Variants in GRM8 observed in about 807,000 individuals in gnomAD.
GRM8 encodes metabotropic glutamate receptor 8.
In GRM8, 47 loss-of-function variants were observed where a neutral mutation model predicts 87.2. The observed-to-expected ratio is 0.54, with a 90% confidence interval of 0.43 to 0.69. The LOEUF (loss-of-function observed/expected upper bound fraction) is 0.69, where lower values mean the gene tolerates loss of function less well. Among genes scored for constraint, GRM8 ranks in the 30% least tolerant of loss-of-function variants. The pLI is 0.00. For missense variants in GRM8, 1,019 were observed against 1,139.2 expected (o/e 0.89, Z 1.52); for synonymous variants, 396 against 404.5 (o/e 0.98, Z 0.25).
intron 7 of GRM8, among the ~76,000 whole-genome samples, chr7:126,713,418 G>A (rs1372924519): frequency 6.6e-6 from 1 of 152,102 alleles, no homozygotes; most frequent in Non-Finnish European, 1.5e-5. Flanking sequence ...GACACAGGGA[G>A]GGGAACATTA....
At chr7:126,962,895 T>C (rs184959719) in intron 3 of GRM8, among the ~76,000 whole-genome samples, 1 of 152,332 alleles carries the variant, frequency 6.6e-6, no homozygotes, top group Admixed American at 6.5e-5. Context: ...GACGGTTATG[T>C]TCTCTAAAGT....
intron 3 of GRM8, among the ~76,000 whole-genome samples, chr7:126,968,393 C>CT (rs899796749): frequency 2.0e-5 from 3 of 152,062 alleles, no homozygotes; most frequent in Admixed American, 6.6e-5. Context: ...TGGTAAATTG[C>CT]TTAGATTAGT....
chr7:127,179,098 G>A (rs1041895349), intron 2 of GRM8, among the ~76,000 whole-genome samples: 1 of 152,076 alleles, frequency 6.6e-6, no homozygotes, highest in African/African-American at 2.4e-5. Flanking sequence ...CCAATCATCT[G>A]CTGCCTTCAG....
In GRM8 at chr7:126,902,552, C is replaced by G; in HGVS notation, c.1146G>C (p.Lys382Asn). Residue 382 changes from lysine (K) to asparagine (N), a missense_variant, in exon 6 of 11, where the codon AAG (lysine) becomes AAC (asparagine). Lys to Asn is a moderately conservative substitution (Grantham distance 94). Transcript: ENST00000339582. ...CATTTGAGTGGTTACCTGTGCATTTCTTTATATGACTGTTCCTTTTCCCAT... is the reference window on the plus strand; with the variant it reads ...CATTTGAGTGGTTACCTGTGCATTTGTTTATATGACTGTTCCTTTTCCCAT... ...GSHGKRNSHI[K>N]KCTGLERIAR... is the part of the protein sequence containing the mutation. The G allele has an allele frequency of 2.5e-6, 4 of 1,594,404 alleles. No individual in the cohort carries two copies. The highest frequency in any genetic ancestry group is 2.3e-5 in the South Asian group (2 of 86,760).
At chr7:126,624,142 T>A (rs62477902) in intron 7 of GRM8, among the ~76,000 whole-genome samples, 48,693 of 152,104 alleles carry the variant, frequency 0.32, 8,422 homozygotes, top group East Asian at 0.43. Flanking sequence ...AGTCAGAATG[T>A]CAATGAAACA....
chr7:126,695,915 GT>G (rs1809329865), intron 7 of GRM8, among the ~76,000 whole-genome samples: 1 of 152,132 alleles, frequency 6.6e-6, no homozygotes, highest in African/African-American at 2.4e-5. Context: ...TAGAGAGAGT[GT>G]TTCTGAAGAA....
At chr7:126,721,373 G>A (rs560555666) in intron 7 of GRM8, among the ~76,000 whole-genome samples, 1 of 151,978 alleles carries the variant, frequency 6.6e-6, no homozygotes, top group African/African-American at 2.4e-5. Context: ...ATATAATGAG[G>A]TTATAAAGAA....
chr7:127,150,932 T>C (rs771226201), intron 2 of GRM8, among the ~76,000 whole-genome samples: 1 of 152,136 alleles, frequency 6.6e-6, no homozygotes, highest in Non-Finnish European at 1.5e-5. Flanking sequence ...GGTGAGTCTA[T>C]GAAATGCTGT....
chr7:127,052,543 T>A (rs968745635), intron 3 of GRM8, among the ~76,000 whole-genome samples: 2 of 152,218 alleles, frequency 1.3e-5, no homozygotes, highest in African/African-American at 4.8e-5. Flanking sequence ...ACAAGCAGTG[T>A]AGGATTTAGA....
At chr7:126,729,092 T>C (rs1389544867) in intron 7 of GRM8, among the ~76,000 whole-genome samples, 2 of 152,152 alleles carry the variant, frequency 1.3e-5, no homozygotes, top group Admixed American at 1.3e-4. Context: ...GCTATCATAG[T>C]GATTAAAGAC....
chr7:126,615,020 A>T (rs544383513), intron 7 of GRM8, among the ~76,000 whole-genome samples: 1 of 152,330 alleles, frequency 6.6e-6, no homozygotes, highest in Non-Finnish European at 1.5e-5. Flanking sequence ...GGAAATACAG[A>T]GAACACCACA....
rs767311111 is a variant in GRM8, at chr7:127,106,609, G to A, written c.614C>T (p.Ala205Val). 6.2e-7 allele frequency: 1 copy of A among 1,613,744 alleles called. No homozygotes were observed. Among genetic ancestry groups the A allele is most frequent in the Non-Finnish European group, 8.5e-7 (1 of 1,179,662 alleles). ...VVPPDSYQAQAMVDIVTALGW... is the reference protein window; with the variant it reads ...VVPPDSYQAQVMVDIVTALGW... ...CAGTGCTGTCACGATGTCCACCATGGCTTGGGCTTGGTAGGAGTCAGGCGG... is the reference window on the plus strand; with the variant it reads ...CAGTGCTGTCACGATGTCCACCATGACTTGGGCTTGGTAGGAGTCAGGCGG... Residue 205 changes from alanine to valine, a missense_variant, in exon 3 of 11, where the codon GCC (alanine) becomes GTC (valine). Physicochemically the swap from Ala to Val is moderately conservative, Grantham distance 64 (BLOSUM62 0). Coordinates refer to ENST00000339582, the MANE Select transcript of GRM8 (RefSeq NM_000845.3).
At chr7:126,721,886 T>C (rs1328209460) in intron 7 of GRM8, among the ~76,000 whole-genome samples, 1 of 152,072 alleles carries the variant, frequency 6.6e-6, no homozygotes, top group Non-Finnish European at 1.5e-5. Flanking sequence ...CTCTAGCTGT[T>C]CTGATTTTTT....
At chr7:127,224,709 T>C (rs1797201293) in intron 2 of GRM8, among the ~76,000 whole-genome samples, 1 of 152,254 alleles carries the variant, frequency 6.6e-6, no homozygotes. Flanking sequence ...CACTGTCTAA[T>C]GCAGTTCTCA....
intron 9 of GRM8, among the ~76,000 whole-genome samples, chr7:126,502,413 G>A (rs1351216954): frequency 1.3e-5 from 2 of 152,046 alleles, no homozygotes; most frequent in African/African-American, 4.8e-5. Flanking sequence ...TGCTTAAAGT[G>A]TTACAGATAG....
intron 1 of GRM8, among the ~76,000 whole-genome samples, chr7:127,245,673 A>G (rs1486737557): frequency 6.6e-6 from 1 of 152,248 alleles, no homozygotes; most frequent in East Asian, 1.9e-4. Flanking sequence ...AGATTGGGGA[A>G]TGAATAGCAG....
chr7:126,494,800 G>A (rs181816921), intron 9 of GRM8, among the ~76,000 whole-genome samples: 1 of 152,006 alleles, frequency 6.6e-6, no homozygotes, highest in African/African-American at 2.4e-5. Context: ...TTGATACTCT[G>A]CTGGCTTAGT....
At chr7:126,994,172 G>A (rs1001281843) in intron 3 of GRM8, among the ~76,000 whole-genome samples, 1 of 152,158 alleles carries the variant, frequency 6.6e-6, no homozygotes, top group African/African-American at 2.4e-5. Context: ...AGATCAGTGG[G>A]CAGAGTAGTG....
At chr7:126,687,277 T>C (rs1209071975) in intron 7 of GRM8, among the ~76,000 whole-genome samples, 1 of 152,234 alleles carries the variant, frequency 6.6e-6, no homozygotes, top group Non-Finnish European at 1.5e-5. Flanking sequence ...CCTAACAGTG[T>C]ATTCCTAAAC....
Sources: gnomAD v4.1 joint callset for allele counts (sites outside exome capture counted in the v4.1 genomes callset) on GRCh38, gnomAD v4.1.1 for gene constraint, MANE v1.5 for transcripts, NCBI Gene and HGNC (gene_info 2026-07-23, HGNC 2026-07-21) for gene names.